Variants in PPP1R12A observed in about 807,000 individuals in gnomAD.
PPP1R12A encodes the protein protein phosphatase 1 regulatory subunit 12A.
In PPP1R12A, 19 loss-of-function variants were observed where a neutral mutation model predicts 139.6. The ratio of observed to expected loss-of-function variants is 0.14; its 90% confidence interval spans 0.09 to 0.20. The LOEUF (loss-of-function observed/expected upper bound fraction) is 0.20, where lower values mean the gene tolerates loss of function less well. PPP1R12A is among the 10% of genes least tolerant of loss of function. The pLI is 1.00. For missense variants in PPP1R12A, 925 were observed against 1,211.5 expected (o/e 0.76, Z 3.51); for synonymous variants, 427 against 420.6 (o/e 1.02, Z -0.19).
chr12:79,855,016 C>T (rs1299162854), intron 2 of PPP1R12A, among the ~76,000 whole-genome samples: 2 of 151,710 alleles, frequency 1.3e-5, no homozygotes, highest in African/African-American at 4.8e-5. Flanking sequence ...TGAGATGGAC[C>T]CTTGCTCTGT....
intron 1 of PPP1R12A, among the ~76,000 whole-genome samples, chr12:79,891,379 A>G (rs1008453839): frequency 6.6e-6 from 1 of 152,122 alleles, no homozygotes; most frequent in Non-Finnish European, 1.5e-5. Flanking sequence ...AGGGGCACTG[A>G]ACATTTAGAT....
intron 3 of PPP1R12A, 110 bp from the exon 4 acceptor site, chr12:79,832,601 T>A (rs894021290): frequency 8.4e-7 from 1 of 1,186,656 alleles, no homozygotes; most frequent in South Asian, 1.9e-5. Context: ...AGTGAAAGTA[T>A]GTCTTTTTAA....
chr12:79,874,247 A>T (rs1565791232), intron 1 of PPP1R12A, among the ~76,000 whole-genome samples: 2 of 151,380 alleles, frequency 1.3e-5, no homozygotes, highest in Admixed American at 1.3e-4. Flanking sequence ...GCCCTCCAGC[A>T]TGGGCAACAG....
intron 19 of PPP1R12A, among the ~76,000 whole-genome samples, chr12:79,791,024 T>G (rs1871780649): frequency 6.6e-6 from 1 of 152,200 alleles, no homozygotes; most frequent in African/African-American, 2.4e-5. Flanking sequence ...TCTGTAAATT[T>G]CCTCTGCAAA....
rs1875918565 is a variant in PPP1R12A, at chr12:79,820,142, ATTGCCT to A, written c.1114+626_1114+631del. 2.0e-5 allele frequency among the ~76,000 whole-genome samples: 3 copies of A among 152,182 alleles called. No individual in the cohort carries two copies. In the South Asian group the frequency reaches 6.2e-4, roughly 32 times the overall value. ...TTACAGAAAAAAACTCATGACAGTG[ATTGCCT>A]TTGAAGGAAGGAAAGGGAAGCAGAC... On this transcript the variant is annotated intron_variant, in intron 8 of 24. Coordinates refer to ENST00000450142, the MANE Select transcript of PPP1R12A (RefSeq NM_002480.3).
chr12:79,820,923 G>A lies in PPP1R12A; in HGVS notation c.965C>T (p.Thr322Met), dbSNP rs368235078. ...QSQKTFKNKE[T>M]LIIEPEKNAS... is the part of the protein sequence containing the mutation. The stretch of plus-strand genomic sequence containing the variant: ...ATTTTTCTCTGGTTCAATAATCAAC[G>A]TCTCTTTGCTGTTAAAGGAAAACAG... Residue 322 changes from threonine (T) to methionine (M), a missense_variant, in exon 8 of 25, where the codon ACG becomes ATG. By Grantham distance (81) the Thr-to-Met change is moderately conservative. Coordinates refer to ENST00000450142, the MANE Select transcript of PPP1R12A (RefSeq NM_002480.3). 4.1e-5 allele frequency: 66 copies of A among 1,612,816 alleles called. No individual in the cohort carries two copies. Among genetic ancestry groups the A allele is most frequent in the Non-Finnish European group, 5.0e-5 (59 of 1,179,568 alleles).
At chr12:79,908,562 A>C (rs1341059211) in intron 1 of PPP1R12A, among the ~76,000 whole-genome samples, 2 of 152,260 alleles carry the variant, frequency 1.3e-5, no homozygotes, top group African/African-American at 2.4e-5. Flanking sequence ...ATGACTTAAT[A>C]TGAAAGCAGA....
At chr12:79,921,638 T>C (rs573517620) in intron 1 of PPP1R12A, among the ~76,000 whole-genome samples, 6 of 152,198 alleles carry the variant, frequency 3.9e-5, no homozygotes, top group Non-Finnish European at 8.8e-5. Flanking sequence ...CTCAACTAGA[T>C]TGTATACTAC....
At chr12:79,803,285 C>T (rs1336173427) in intron 14 of PPP1R12A, among the ~76,000 whole-genome samples, 1 of 152,046 alleles carries the variant, frequency 6.6e-6, no homozygotes, top group Non-Finnish European at 1.5e-5. Context: ...TCTAAGAATA[C>T]GACATAGAGA....
At chr12:79,914,055 T>C (rs1886805745) in intron 1 of PPP1R12A, 1 of 152,164 alleles carries the variant, frequency 6.6e-6, no homozygotes, top group Admixed American at 6.5e-5. Flanking sequence ...GTAAAATACA[T>C]CTATTTTTCA....
intron 2 of PPP1R12A, among the ~76,000 whole-genome samples, chr12:79,861,589 G>A (rs7300911): frequency 0.79 from 120,275 of 151,970 alleles, 49,914 homozygotes; most frequent in Non-Finnish European, 0.92. Flanking sequence ...GTACCTGGAG[G>A]AGCAGTATAC....
chr12:79,800,734 T>C (rs1328655992), intron 14 of PPP1R12A, among the ~76,000 whole-genome samples: 4 of 122,892 alleles, frequency 3.3e-5, no homozygotes, highest in African/African-American at 1.1e-4. Context: ...CAAATGCTAC[T>C]TTTTTTTTTT....
intron 3 of PPP1R12A, among the ~76,000 whole-genome samples, chr12:79,836,156 C>T (rs192486324): frequency 3.3e-5 from 5 of 152,252 alleles, no homozygotes; most frequent in African/African-American, 4.8e-5. Flanking sequence ...GGAATGAACA[C>T]AACCTATTAT....
chr12:79,886,135 T>C (rs1884081332), intron 1 of PPP1R12A, among the ~76,000 whole-genome samples: 1 of 152,190 alleles, frequency 6.6e-6, no homozygotes, highest in Non-Finnish European at 1.5e-5. Context: ...GGAACTGAAT[T>C]GGATACTGTC....
intron 24 of PPP1R12A, chr12:79,777,658 G>C: frequency 1.0e-6 from 1 of 981,804 alleles, no homozygotes; most frequent in Non-Finnish European, 1.2e-6. Flanking sequence ...AGGTTCTGCA[G>C]GAATCAGAAC....
Position 79,796,884 on chromosome 12 carries a change from T to G in PPP1R12A, c.2359A>C (p.Met787Leu). The change falls in exon 17 of 25, where the codon ATG (methionine) becomes CTG (leucine). Residue 787 changes from methionine (M) to leucine (L), a missense_variant. Around this residue, in one of 4 missense-constraint regions of PPP1R12A, gnomAD observed 315 missense variants for 363.4 expected, o/e 0.87. Transcript: ENST00000450142. ...CTTGAAGCATACAGTGAACTGCTCA[T>G]AGTAGAAAGTGAAGAGGATGGAGTG... Reference protein sequence around the residue: ...STTPSSSLSTMSSSLYASSQL... With the variant: ...STTPSSSLSTLSSSLYASSQL... The G allele has an allele frequency of 6.2e-7, 1 of 1,612,040 alleles. No individual in the cohort carries two copies. The highest frequency in any genetic ancestry group is 8.5e-7 in the Non-Finnish European group (1 of 1,178,310).
chr12:79,916,912 T>C (rs1242500640), intron 1 of PPP1R12A, among the ~76,000 whole-genome samples: 1 of 152,152 alleles, frequency 6.6e-6, no homozygotes, highest in Non-Finnish European at 1.5e-5. Context: ...TCTTTTTTTT[T>C]TTCTGCTTGT....
chr12:79,876,048 T>C (rs772031758), intron 1 of PPP1R12A, among the ~76,000 whole-genome samples: 1 of 152,168 alleles, frequency 6.6e-6, no homozygotes, highest in Non-Finnish European at 1.5e-5. Context: ...TGATGAGAGA[T>C]AATGGATCAG....
At chr12:79,896,811 T>C (rs1343048063) in intron 1 of PPP1R12A, among the ~76,000 whole-genome samples, 1 of 152,210 alleles carries the variant, frequency 6.6e-6, no homozygotes, top group Non-Finnish European at 1.5e-5. Context: ...ACAGCATAAA[T>C]GCAATTGTAT....
Sources: allele counts gnomAD v4.1 joint callset (sites outside exome capture counted in the v4.1 genomes callset), GRCh38; gene constraint gnomAD v4.1.1; regional missense constraint gnomAD v4.1.1; transcripts MANE v1.5; gene names NCBI Gene and HGNC (gene_info 2026-07-23, HGNC 2026-07-21).